Variants in RPS6KB1 observed in about 807,000 individuals in gnomAD.
RPS6KB1 encodes ribosomal protein S6 kinase beta-1.
A neutral mutation model predicts 70.2 loss-of-function variants in RPS6KB1; 12 were observed. The ratio of observed to expected loss-of-function variants is 0.17; its 90% CI spans 0.11 to 0.28. The LOEUF (loss-of-function observed/expected upper bound fraction) is 0.28, where lower values mean the gene tolerates loss of function less well. RPS6KB1 is among the 10% of genes least tolerant of loss of function. The pLI, the probability that RPS6KB1 is intolerant of heterozygous loss-of-function variation, is 1.00. For missense variants in RPS6KB1, 270 were observed against 646.6 expected (o/e 0.42, Z 6.32); for synonymous variants, 175 against 211.2 (o/e 0.83, Z 1.49).
chr17:59,933,616 GTGA>G, intron 7 of RPS6KB1, among the ~76,000 whole-genome samples: 1 of 152,200 alleles, frequency 6.6e-6, no homozygotes, highest in Non-Finnish European at 1.5e-5. Context: ...TTCTGGATCA[GTGA>G]TGATTGATTC....
chr17:59,938,033 A>C (rs1381191868), intron 12 of RPS6KB1, among the ~76,000 whole-genome samples: 3 of 152,186 alleles, frequency 2.0e-5, no homozygotes, highest in Non-Finnish European at 4.4e-5. Flanking sequence ...AAGGAAGTTA[A>C]CTGTCATATA....
At chr17:59,907,151 C>T (rs1348742518) in intron 1 of RPS6KB1, 1 of 152,048 alleles carries the variant, frequency 6.6e-6, no homozygotes, top group Admixed American at 6.6e-5. Context: ...CTACAGGCGC[C>T]CACCACCACA....
chr17:59,914,775 A>G (rs2042842267), intron 4 of RPS6KB1, 72 bp downstream of exon 4: 6 of 1,121,360 alleles, frequency 5.4e-6, no homozygotes, highest in Non-Finnish European at 7.9e-6. Context: ...AAAGGCTGGG[A>G]AGCAATCATA....
intron 2 of RPS6KB1, chr17:59,912,249 C>T (rs540301459): frequency 1.3e-5 from 3 of 225,216 alleles, no homozygotes; most frequent in South Asian, 1.3e-4. Flanking sequence ...AATCAGGGTT[C>T]TTGCTCTTGT....
chr17:59,904,698 G>GTT (rs950470089), intron 1 of RPS6KB1, among the ~76,000 whole-genome samples: 21 of 122,650 alleles, frequency 1.7e-4, no homozygotes, highest in Admixed American at 3.4e-4. Context: ...CTGGCATTCT[G>GTT]TTTTTTTTTT....
In RPS6KB1 at chr17:59,947,031, A is replaced by G; in HGVS notation, c.*243A>G. Reference sequence around the variant, plus strand: ...CATCAATTAATTGATTCCTCGCGACATCTTCTCAACCTTATCAAGGATTTT... The same window carrying G: ...CATCAATTAATTGATTCCTCGCGACGTCTTCTCAACCTTATCAAGGATTTT... On this transcript the variant is annotated 3_prime_UTR_variant, in exon 15 of 15. Transcript: ENST00000225577. 1 of 1,334,610 alleles carries G rather than the reference A, an allele frequency of 7.5e-7. No homozygotes were observed. The highest frequency in any genetic ancestry group is 1.6e-5 in the South Asian group (1 of 60,858). 82.7% of individuals were successfully genotyped at this position (1,334,610 alleles called of 1,614,324 possible).
intron 4 of RPS6KB1, among the ~76,000 whole-genome samples, chr17:59,926,214 C>A (rs1408479622): frequency 1.3e-5 from 2 of 152,160 alleles, no homozygotes; most frequent in Non-Finnish European, 2.9e-5. Context: ...TAAAAAGTCT[C>A]TTTAGGTAAT....
chr17:59,903,111 G>C (rs1267287071), intron 1 of RPS6KB1, among the ~76,000 whole-genome samples: 1 of 152,022 alleles, frequency 6.6e-6, no homozygotes, highest in Non-Finnish European at 1.5e-5. Flanking sequence ...TTTAAGACCA[G>C]TCTGGCCAAG....
chr17:59,911,471 C>T (rs2042628928), intron 2 of RPS6KB1, among the ~76,000 whole-genome samples: 1 of 151,836 alleles, frequency 6.6e-6, no homozygotes, highest in African/African-American at 2.4e-5. Context: ...AGCGATTGTC[C>T]TGCCTCAGCC....
In RPS6KB1 at chr17:59,950,488, G is replaced by A. The variant is rs1459654659; in HGVS notation, c.*3700G>A. The A allele has an allele frequency of 7.5e-6, 1 of 132,530 alleles. No individual in the cohort carries two copies. The highest frequency in any genetic ancestry group is 3.1e-5 in the African/African-American group (1 of 32,196). The allele number at this position is 132,530 out of a possible 1,614,324, so 8.2% of individuals were successfully genotyped here. A position where few individuals can be genotyped will look rare whatever the true frequency, so the allele number is the denominator to read the frequency against. ...GAAGGAATTAGTATACGTATCAGGTGTATAAATGGTTTAAATTTATTTTAA... is the reference window on the plus strand; with the variant it reads ...GAAGGAATTAGTATACGTATCAGGTATATAAATGGTTTAAATTTATTTTAA... On this transcript the variant is annotated 3_prime_UTR_variant, in exon 15 of 15. Transcript: ENST00000225577.
chr17:59,942,811 C>G (rs1447909007), intron 13 of RPS6KB1, among the ~76,000 whole-genome samples: 1 of 151,998 alleles, frequency 6.6e-6, no homozygotes, highest in Non-Finnish European at 1.5e-5. Context: ...GAAACCCCAT[C>G]TCTACTAAAA....
At chr17:59,910,011 C>CAA (rs1403883092) in intron 1 of RPS6KB1, among the ~76,000 whole-genome samples, 4 of 150,938 alleles carry the variant, frequency 2.7e-5, no homozygotes, top group African/African-American at 9.8e-5. Flanking sequence ...GACTCCATCT[C>CAA]AAAAAATATA....
chr17:59,918,037 G>A (rs2043058387), intron 4 of RPS6KB1, among the ~76,000 whole-genome samples: 2 of 151,922 alleles, frequency 1.3e-5, no homozygotes, highest in South Asian at 2.1e-4. Flanking sequence ...GGGTTCAAGC[G>A]ATTCCCCTGC....
At chr17:59,921,745 A>T (rs1419411219) in intron 4 of RPS6KB1, among the ~76,000 whole-genome samples, 2 of 152,000 alleles carry the variant, frequency 1.3e-5, no homozygotes, top group Non-Finnish European at 2.9e-5. Flanking sequence ...TTGCAGCAAA[A>T]ATATACCATG....
At chr17:59,936,148 C>G in intron 10 of RPS6KB1, 67 bp from the exon 11 acceptor site, 1 of 1,442,586 alleles carries the variant, frequency 6.9e-7, no homozygotes, top group Non-Finnish European at 9.6e-7. Flanking sequence ...CAAGCACAGT[C>G]TAAAAAGGAA....
At chr17:59,907,990 T>G (rs1212210391) in intron 1 of RPS6KB1, among the ~76,000 whole-genome samples, 1 of 152,112 alleles carries the variant, frequency 6.6e-6, no homozygotes, top group Non-Finnish European at 1.5e-5. Flanking sequence ...TCCAACTGTT[T>G]GACAGTGTTG....
chr17:59,938,161 C>CTT (rs2044348948), intron 12 of RPS6KB1, among the ~76,000 whole-genome samples: 1 of 81,270 alleles, frequency 1.2e-5, no homozygotes, highest in Non-Finnish European at 2.5e-5. Context: ...TTTCCTTTTT[C>CTT]TTTTCTTTCT....
intron 10 of RPS6KB1, 69 bp from the exon 11 acceptor site, chr17:59,936,146 G>A: frequency 1.4e-6 from 2 of 1,404,334 alleles, no homozygotes; most frequent in East Asian, 4.6e-5. Context: ...GACAAGCACA[G>A]TCTAAAAAGG....
intron 7 of RPS6KB1, 85 bp downstream of exon 7, chr17:59,931,807 A>C: frequency 1.2e-6 from 1 of 806,150 alleles, no homozygotes; most frequent in South Asian, 1.6e-5. Flanking sequence ...CAAAGCCCCA[A>C]ATTCATCTCT....
Sources: allele counts gnomAD v4.1 joint callset (sites outside exome capture counted in the v4.1 genomes callset), GRCh38; gene constraint gnomAD v4.1.1; transcripts MANE v1.5; gene names NCBI Gene and HGNC (gene_info 2026-07-23, HGNC 2026-07-21).